INO80: variants seen among roughly 807,000 people sequenced by gnomAD.
INO80 encodes INO80 complex ATPase subunit.
A neutral mutation model predicts 203.4 loss-of-function variants in INO80; 20 were observed. That is an observed-to-expected ratio of 0.10 (90% CI 0.07 to 0.14). The LOEUF (loss-of-function observed/expected upper bound fraction) is 0.14, where lower values mean the gene tolerates loss of function less well. INO80 is among the 10% of genes least tolerant of loss of function. INO80 has a pLI of 1.00. For synonymous variants in INO80, 726 were observed against 685.2 expected (o/e 1.06, Z -0.93); for missense variants, 1,419 against 1,914.4 (o/e 0.74, Z 4.83).
At chr15:40,998,975 GATTT>G (rs1453332716) in intron 28 of INO80, among the ~76,000 whole-genome samples, 2 of 92,824 alleles carry the variant, frequency 2.2e-5, no homozygotes, top group East Asian at 5.6e-4. Context: ...TTGACTCTAA[GATTT>G]ATCTACACAC....
At chr15:41,021,181 C>T in intron 25 of INO80, 56 bp from the exon 26 acceptor site, 1 of 1,225,198 alleles carries the variant, frequency 8.2e-7, no homozygotes, top group Non-Finnish European at 1.2e-6. Flanking sequence ...ACACACTATG[C>T]CTTTTGGGAA....
chr15:40,984,801 A>G (rs563253133), intron 32 of INO80, among the ~76,000 whole-genome samples: 1 of 152,354 alleles, frequency 6.6e-6, no homozygotes, highest in Admixed American at 6.5e-5. Context: ...CAGTCCCACA[A>G]AAGAGAGGGC....
chr15:41,031,533 A>G, intron 24 of INO80, among the ~76,000 whole-genome samples: 1 of 20,328 alleles, frequency 4.9e-5, no homozygotes, highest in Non-Finnish European at 1.2e-4. Flanking sequence ...AGGAAGGAGA[A>G]GGGAGGAAGG....
At position 41,027,654 on chromosome 15, in the gene INO80, G is replaced by C; in HGVS notation, c.2990C>G (p.Ser997Trp). 6.2e-7 allele frequency: 1 copy of C among 1,613,890 alleles called. No homozygotes were observed. The change falls in exon 25 of 36, where the codon TCG (serine) becomes TGG (tryptophan). Residue 997 changes from serine (S) to tryptophan (W), a missense_variant. Physicochemically the swap from Ser to Trp is radical, Grantham distance 177. Coordinates refer to ENST00000648947, the MANE Select transcript of INO80 (RefSeq NM_017553.3). ...CTCAGTGAGCAGGCAGCGACGCAGC[G>C]AGGAGGTAGCTGATCTCCGCTGATG... is the stretch of plus-strand genomic sequence containing the variant. ...VVHQRRSATS[S>W]LRRCLLTELP...
At chr15:40,999,399 G>T (rs1423003122) in intron 28 of INO80, 2 of 152,170 alleles carry the variant, frequency 1.3e-5, no homozygotes, top group Non-Finnish European at 2.9e-5. Context: ...AAGTATCGGT[G>T]AAAGAACTAT....
rs760130669 is a variant in INO80 at position 41,016,262 on chromosome 15, C to T, written c.3275-47G>A. 21 of 1,587,116 alleles carry T rather than the reference C, an allele frequency of 1.3e-5. No homozygotes were observed. In the Admixed American group the frequency reaches 1.4e-4, roughly 10 times the overall value. On this transcript the variant is annotated intron_variant, in intron 26 of 35. Transcript: ENST00000648947. The stretch of plus-strand genomic sequence containing the variant: ...GAGGGGGAACTGTATTTAATTGAAG[C>T]GACAAAATCACTCAATGCAAAGCTG...
chr15:41,088,754 T>C (rs550472261), intron 5 of INO80, among the ~76,000 whole-genome samples: 2 of 152,356 alleles, frequency 1.3e-5, no homozygotes, highest in South Asian at 4.1e-4. Context: ...GAAATAAGAC[T>C]GAAAGATTAA....
intron 16 of INO80, among the ~76,000 whole-genome samples, chr15:41,057,283 C>T (rs968762982): frequency 1.3e-5 from 2 of 151,668 alleles, no homozygotes; most frequent in Admixed American, 6.6e-5. Context: ...GGAGAAACCC[C>T]GTGTCTACTA....
chr15:40,992,717 C>T (rs2043831878), intron 29 of INO80, among the ~76,000 whole-genome samples: 1 of 152,212 alleles, frequency 6.6e-6, no homozygotes, highest in African/African-American at 2.4e-5. Flanking sequence ...TTCTGATTTA[C>T]AAGTGAATCC....
chr15:41,106,871 C>T (rs1454410589), intron 1 of INO80, among the ~76,000 whole-genome samples: 1 of 152,182 alleles, frequency 6.6e-6, no homozygotes, highest in East Asian at 1.9e-4. Flanking sequence ...TCCACTCCAA[C>T]AGTGAAAAGC....
At chr15:41,017,948 TGA>T (rs1472839380) in intron 26 of INO80, 1 of 152,218 alleles carries the variant, frequency 6.6e-6, no homozygotes, top group African/African-American at 2.4e-5. Flanking sequence ...ATTCCAAGTC[TGA>T]GCAGGCAGCA....
At chr15:41,070,592 A>G in intron 12 of INO80, 45 bp from the exon 13 acceptor site, 1 of 1,473,332 alleles carries the variant, frequency 6.8e-7, no homozygotes, top group Non-Finnish European at 9.5e-7. Flanking sequence ...CATTTCATCA[A>G]ATAAAGTTCA....
intron 2 of INO80, 67 bp from the exon 3 acceptor site, chr15:41,095,995 G>C: frequency 6.7e-7 from 1 of 1,484,846 alleles, no homozygotes; most frequent in Non-Finnish European, 9.2e-7. Context: ...AGTTAGAACT[G>C]GACACTTTAC....
chr15:40,988,895 A>C (rs2043778466), intron 29 of INO80, among the ~76,000 whole-genome samples: 1 of 151,834 alleles, frequency 6.6e-6, no homozygotes, highest in Admixed American at 6.6e-5. Context: ...CGTGCCTGCA[A>C]TCCCAGCTAT....
intron 1 of INO80, among the ~76,000 whole-genome samples, chr15:41,112,714 G>A (rs1245459471): frequency 6.1e-5 from 9 of 148,222 alleles, no homozygotes; most frequent in Non-Finnish European, 3.0e-5. Flanking sequence ...CTTGAACCCG[G>A]GAGGCAGAGG....
chr15:41,069,668 GC>G lies in INO80; in HGVS notation c.1687-4del. 6.3e-7 allele frequency: 1 copy of G among 1,585,794 alleles called. No homozygotes were observed. On this transcript the variant is annotated splice_region_variant and splice_polypyrimidine_tract_variant and intron_variant, in intron 13 of 35. Transcript: ENST00000648947. ...AAAGGTCCCCAAATGTTCTCTCTCT[GC>G]AACAGAAAAACCCAGTCAGCCAACT...
intron 14 of INO80, among the ~76,000 whole-genome samples, chr15:41,065,943 A>T (rs2045204256): frequency 6.6e-6 from 1 of 150,382 alleles, no homozygotes; most frequent in African/African-American, 2.4e-5. Flanking sequence ...GACAGCAGTG[A>T]TGGTTACACA....
Position 41,085,478 on chromosome 15 carries a change from G to A in INO80, c.764C>T (p.Ser255Phe). The change falls in exon 7 of 36, where the codon TCT (serine) becomes TTT (phenylalanine). Residue 255 changes from serine (S) to phenylalanine (F), a missense_variant. This residue lies in a region of INO80 where 323 missense variants were observed against 325.4 expected (regional missense o/e 0.99). Coordinates refer to ENST00000648947, the MANE Select transcript of INO80 (RefSeq NM_017553.3). ...HHQTKVFAKFSHDAPPPGTKK... is the reference protein window; with the variant it reads ...HHQTKVFAKFFHDAPPPGTKK... ...AGTGCCAGGGGGAGGTGCATCGTGA[G>A]AAAACTTGGCAAAGACTTTGGTCTG... 1 of 1,614,218 alleles carries A rather than the reference G, an allele frequency of 6.2e-7. No individual in the cohort carries two copies.
chr15:41,107,295 G>A (rs1381074214), intron 1 of INO80, among the ~76,000 whole-genome samples: 1 of 152,082 alleles, frequency 6.6e-6, no homozygotes, highest in Non-Finnish European at 1.5e-5. Flanking sequence ...AAGACCAGGA[G>A]TTCGAGACCA....
Sources: gnomAD v4.1 joint callset for allele counts (sites outside exome capture counted in the v4.1 genomes callset) on GRCh38, gnomAD v4.1.1 for gene constraint, gnomAD v4.1.1 regional missense constraint, MANE v1.5 for transcripts, NCBI Gene and HGNC (gene_info 2026-07-23, HGNC 2026-07-21) for gene names.